The following SYTL5 variants were observed in gnomAD, a reference collection of about 807,000 sequenced individuals.
SYTL5 encodes synaptotagmin-like protein 5.
Under a neutral mutation model 55.9 loss-of-function variants are expected in SYTL5, and 34 were observed. The ratio of observed to expected loss-of-function variants is 0.61; its 90% CI spans 0.46 to 0.81. The LOEUF (loss-of-function observed/expected upper bound fraction) is 0.81, where lower values mean the gene tolerates loss of function less well. Ranked by LOEUF, SYTL5 falls within the 30% of genes least tolerant of loss-of-function variation. The probability of loss-of-function intolerance (pLI) is 0.00; values close to 1 mark genes in which losing one functional copy is unlikely to be tolerated. For synonymous variants in SYTL5, 221 were observed against 188.7 expected, an observed-to-expected ratio of 1.17 and a Z score of -1.40; for missense variants, 637 against 546.7, an observed-to-expected ratio of 1.17 and a Z score of -1.65.
At chrX:37,894,136 C>A in the SYTL5 span, among the ~76,000 whole-genome samples, 1 of 111,634 alleles carries the variant, frequency 9.0e-6, no homozygotes, top group South Asian at 3.7e-4. Flanking sequence ...TAGTTCATTC[C>A]TTTCAATTAC....
chrX:38,122,920 T>A (rs1321094079), intron 15 of SYTL5, among the ~76,000 whole-genome samples: 2 of 112,618 alleles, frequency 1.8e-5, no homozygotes, highest in Non-Finnish European at 3.8e-5. Context: ...AAGCACCAGG[T>A]GCTATGCTTT....
At chrX:38,064,359 T>A (rs1936040080) in intron 3 of SYTL5, among the ~76,000 whole-genome samples, 1 of 111,567 alleles carries the variant, frequency 9.0e-6, no homozygotes, top group South Asian at 3.7e-4. Context: ...TTCATGAACA[T>A]TTTTTATTTT....
the SYTL5 span, among the ~76,000 whole-genome samples, chrX:37,900,768 A>C: frequency 9.0e-6 from 1 of 111,069 alleles, no homozygotes; most frequent in Non-Finnish European, 1.9e-5. Context: ...TCCATCTCTG[A>C]AACAATTACC....
the SYTL5 span, among the ~76,000 whole-genome samples, chrX:37,974,016 CAG>C: frequency 9.0e-6 from 1 of 111,417 alleles, no homozygotes; most frequent in Non-Finnish European, 1.9e-5. Flanking sequence ...TACATAGAAA[CAG>C]AGTAAAATGG....
chrX:37,951,513 C>T, the SYTL5 span, among the ~76,000 whole-genome samples: 1 of 110,889 alleles, frequency 9.0e-6, no homozygotes, highest in Non-Finnish European at 1.9e-5. Flanking sequence ...GACAGTCTCA[C>T]CTCAAAAAGA....
At position 38,054,323 on chromosome X, in the gene SYTL5, G is replaced by C. The variant is rs780574469; in HGVS notation, c.230G>C (p.Arg77Pro). The change falls in exon 3 of 17, where the codon CGG becomes CCG. Residue 77 changes from arginine (R) to proline (P), a missense_variant. By Grantham distance (103) the Arg-to-Pro change is moderately radical. Coordinates refer to ENST00000297875, the MANE Select transcript of SYTL5 (RefSeq NM_138780.3). Reference sequence around the variant, plus strand: ...AGAAACCTGGGCCTAATCTTTGACCGGGGAGACCCTTGTCAGGCTTGCTCA... The same window carrying C: ...AGAAACCTGGGCCTAATCTTTGACCCGGGAGACCCTTGTCAGGCTTGCTCA... ...CHRNLGLIFD[R>P]GDPCQACSLR... 8.3e-7 allele frequency: 1 copy of C among 1,208,684 alleles called. No homozygotes were observed. The highest frequency in any genetic ancestry group is 1.1e-6 in the Non-Finnish European group (1 of 894,550).
At chrX:38,062,672 A>T (rs2147348987) in intron 3 of SYTL5, among the ~76,000 whole-genome samples, 1 of 111,809 alleles carries the variant, frequency 8.9e-6, no homozygotes, top group African/African-American at 3.2e-5. Flanking sequence ...CCATACTGTT[A>T]TCCTGTTGGA....
intron 1 of SYTL5, among the ~76,000 whole-genome samples, chrX:38,020,001 C>A (rs190613660): frequency 9.8e-4 from 109 of 111,658 alleles, no homozygotes; most frequent in African/African-American, 3.4e-3. Context: ...CTCTATAACT[C>A]ATTCTATCTG....
At chrX:37,996,948 T>C in the SYTL5 span, among the ~76,000 whole-genome samples, 1 of 112,528 alleles carries the variant, frequency 8.9e-6, no homozygotes, top group African/African-American at 3.2e-5. Flanking sequence ...GCAGATGAGA[T>C]CATTAGAACT....
chrX:37,893,521 T>C, the SYTL5 span, among the ~76,000 whole-genome samples: 1 of 90,649 alleles, frequency 1.1e-5, no homozygotes, highest in Non-Finnish European at 2.1e-5. Flanking sequence ...ATATAATCTA[T>C]AATCTATCTA....
At chrX:38,021,082 C>A (rs751670047) in intron 1 of SYTL5, among the ~76,000 whole-genome samples, 3 of 111,708 alleles carry the variant, frequency 2.7e-5, no homozygotes, top group Non-Finnish European at 5.6e-5. Flanking sequence ...GCAGTGCTTA[C>A]CCTGTGGACC....
chrX:37,954,339 C>T, the SYTL5 span, among the ~76,000 whole-genome samples: 1 of 111,665 alleles, frequency 9.0e-6, no homozygotes, highest in Admixed American at 9.5e-5. Flanking sequence ...TGTCTTCTCA[C>T]CCAGTCTGTA....
At chrX:37,999,605 G>C in the SYTL5 span, among the ~76,000 whole-genome samples, 1 of 111,533 alleles carries the variant, frequency 9.0e-6, no homozygotes, top group African/African-American at 3.3e-5. Flanking sequence ...TGAAAGGAGG[G>C]GCAGAAGAGC....
At chrX:38,060,479 A>T (rs949774837) in intron 3 of SYTL5, among the ~76,000 whole-genome samples, 7 of 111,668 alleles carry the variant, frequency 6.3e-5, no homozygotes, top group Admixed American at 4.8e-4. Context: ...CTGTTCACTG[A>T]TGTAGTTCTA....
intron 1 of SYTL5, among the ~76,000 whole-genome samples, chrX:38,015,069 A>G (rs1934308891): frequency 8.9e-6 from 1 of 112,377 alleles, no homozygotes; most frequent in Admixed American, 9.4e-5. Flanking sequence ...TGTACTGTTC[A>G]TATATGTAAA....
the SYTL5 span, among the ~76,000 whole-genome samples, chrX:37,901,999 C>T: frequency 1.8e-5 from 2 of 112,139 alleles, no homozygotes; most frequent in Non-Finnish European, 3.8e-5. Flanking sequence ...TTATCTATAA[C>T]AAATAGTATA....
At chrX:37,956,523 T>G in the SYTL5 span, among the ~76,000 whole-genome samples, 2 of 112,523 alleles carry the variant, frequency 1.8e-5, no homozygotes, top group Non-Finnish European at 3.8e-5. Context: ...ATACTTTATA[T>G]AAGTAAAATA....
chrX:37,980,612 G>A, the SYTL5 span, among the ~76,000 whole-genome samples: 2,174 of 112,089 alleles, frequency 0.019, 60 homozygotes, highest in African/African-American at 0.067. Flanking sequence ...TTCAAACTTA[G>A]TGAAATGGAA....
At chrX:38,106,906 A>T (rs1452884448) in intron 11 of SYTL5, 135 bp downstream of exon 11, 2 of 451,266 alleles carry the variant, frequency 4.4e-6, no homozygotes, top group East Asian at 8.7e-5. Context: ...TGTTCCTCCT[A>T]TACCACACTT....
Sources: allele counts gnomAD v4.1 joint callset (sites outside exome capture counted in the v4.1 genomes callset), GRCh38; gene constraint gnomAD v4.1.1; transcripts MANE v1.5; gene names NCBI Gene and HGNC (gene_info 2026-07-23, HGNC 2026-07-21).